The following GRIK2 variants were observed in gnomAD, a reference collection of about 807,000 sequenced individuals.
GRIK2 encodes glutamate ionotropic receptor kainate type subunit 2, also known as glutamate receptor ionotropic, kainate 2.
Under a neutral mutation model 100.3 loss-of-function variants are expected in GRIK2, and 32 were observed. The ratio of observed to expected loss-of-function variants is 0.32; its 90% CI spans 0.24 to 0.43. The LOEUF (loss-of-function observed/expected upper bound fraction) is 0.43. Ranked by LOEUF, GRIK2 falls within the 20% of genes least tolerant of loss-of-function variation. The pLI, the probability that GRIK2 is intolerant of heterozygous loss-of-function variation, is 1.00. For synonymous variants in GRIK2, 417 were observed against 389.4 expected (o/e 1.07, Z -0.83); for missense variants, 843 against 1,114.9 (o/e 0.76, Z 3.47).
intron 7 of GRIK2, among the ~76,000 whole-genome samples, chr6:101,745,797 C>T (rs1279618232): frequency 6.6e-6 from 1 of 152,138 alleles, no homozygotes; most frequent in East Asian, 1.9e-4. Context: ...TGTAACACTT[C>T]AATTTTTAAA....
intron 4 of GRIK2, among the ~76,000 whole-genome samples, chr6:101,675,306 CCA>C (rs3056135): frequency 4.8e-4 from 72 of 149,256 alleles, no homozygotes; most frequent in African/African-American, 1.1e-3. Context: ...CACACACACA[CCA>C]CACACACACA....
rs367944184 is a variant in GRIK2 at position 101,648,877 on chromosome 6, T to C, written c.541+22240T>C. Among the ~76,000 whole-genome samples, 50 of 152,184 alleles carry C rather than the reference T, an allele frequency of 3.3e-4. No homozygotes were observed. The East Asian group carries it at 3.9e-3, about 12-fold the overall frequency. ...CTTGGCTGGGGAGGCCTCACAAACA[T>C]GGTGGAAGATAAAGGAAAGACATGT... On this transcript the variant is annotated intron_variant, in intron 4 of 16. Coordinates refer to ENST00000369134, the MANE Select transcript of GRIK2 (RefSeq NM_021956.5).
chr6:102,065,633 G>T lies in GRIK2; in HGVS notation c.2563-2714G>T, dbSNP rs961535671. Among the ~76,000 whole-genome samples, 6 of 151,406 alleles carry T rather than the reference G, an allele frequency of 4.0e-5. No homozygotes were observed. In the East Asian group the frequency reaches 1.2e-3, roughly 29 times the overall value. The stretch of plus-strand genomic sequence containing the variant: ...GAAAATTGAGATTGCCAAGAAGAAG[G>T]TGTCATAAATTTTTGAAGATTTGGG... On this transcript the variant is annotated intron_variant, in intron 16 of 16. Coordinates refer to ENST00000369134, the MANE Select transcript of GRIK2 (RefSeq NM_021956.5).
intron 7 of GRIK2, among the ~76,000 whole-genome samples, chr6:101,771,518 T>C (rs1454264870): frequency 6.6e-6 from 1 of 151,250 alleles, no homozygotes; most frequent in Non-Finnish European, 1.5e-5. Flanking sequence ...TTTTATTTTA[T>C]TTTTATTTAT....
At chr6:101,762,489 T>TC (rs1320597624) in intron 7 of GRIK2, among the ~76,000 whole-genome samples, 1 of 152,062 alleles carries the variant, frequency 6.6e-6, no homozygotes, top group African/African-American at 2.4e-5. Context: ...TGCCTGAGCC[T>TC]CCCCAAGTGC....
At chr6:101,857,294 C>T (rs1441760693) in intron 10 of GRIK2, among the ~76,000 whole-genome samples, 1 of 152,152 alleles carries the variant, frequency 6.6e-6, no homozygotes, top group Non-Finnish European at 1.5e-5. Context: ...TTCTAAAAAT[C>T]AGGTGAAGAT....
At chr6:101,875,632 C>G (rs1368323675) in intron 11 of GRIK2, among the ~76,000 whole-genome samples, 1 of 151,650 alleles carries the variant, frequency 6.6e-6, no homozygotes, top group Non-Finnish European at 1.5e-5. Context: ...CTCTTTACTT[C>G]TTTTACATTG....
chr6:101,539,270 C>T (rs2128287754), intron 2 of GRIK2, among the ~76,000 whole-genome samples: 1 of 151,750 alleles, frequency 6.6e-6, no homozygotes, highest in Middle Eastern at 3.4e-3. Flanking sequence ...TAATAGCAAC[C>T]ATACATAGCA....
intron 2 of GRIK2, among the ~76,000 whole-genome samples, chr6:101,481,997 A>G (rs890449629): frequency 3.0e-4 from 46 of 152,278 alleles, no homozygotes; most frequent in Admixed American, 2.7e-3. Context: ...TTCACCTTGC[A>G]CCATGAATGT....
At chr6:101,991,921 C>G (rs537486857) in intron 14 of GRIK2, among the ~76,000 whole-genome samples, 1 of 151,406 alleles carries the variant, frequency 6.6e-6, no homozygotes, top group African/African-American at 2.4e-5. Context: ...AATATTTGTA[C>G]ATGTGAAGCA....
intron 14 of GRIK2, among the ~76,000 whole-genome samples, chr6:101,978,331 G>A (rs1378151007): frequency 6.6e-6 from 1 of 151,968 alleles, no homozygotes; most frequent in Non-Finnish European, 1.5e-5. Context: ...TTTAAGAATA[G>A]TATATGCACA....
chr6:101,511,173 C>T (rs1774295453), intron 2 of GRIK2, among the ~76,000 whole-genome samples: 1 of 152,126 alleles, frequency 6.6e-6, no homozygotes, highest in African/African-American at 2.4e-5. Context: ...GGAATTTATC[C>T]TTGGAAATTC....
At chr6:101,397,474 G>T (rs1005730889) in intron 1 of GRIK2, among the ~76,000 whole-genome samples, 5 of 152,048 alleles carry the variant, frequency 3.3e-5, no homozygotes, top group Non-Finnish European at 7.4e-5. Flanking sequence ...TGATTGAATT[G>T]CCTGCTATAC....
intron 10 of GRIK2, among the ~76,000 whole-genome samples, chr6:101,849,278 G>T (rs1483641257): frequency 2.0e-5 from 3 of 152,056 alleles, no homozygotes; most frequent in African/African-American, 7.2e-5. Flanking sequence ...AGGGCAGAGG[G>T]TTATCCTTTG....
chr6:101,640,456 A>G (rs941749103), intron 4 of GRIK2, among the ~76,000 whole-genome samples: 8 of 152,166 alleles, frequency 5.3e-5, no homozygotes, highest in African/African-American at 1.7e-4. Flanking sequence ...CAACATAGCA[A>G]TTGTGCTCAA....
intron 9 of GRIK2, among the ~76,000 whole-genome samples, chr6:101,810,851 A>G (rs959799630): frequency 5.3e-5 from 8 of 152,024 alleles, no homozygotes; most frequent in Admixed American, 3.9e-4. Context: ...TGTTGAAAAA[A>G]ATTTCTGTAC....
chr6:101,650,037 C>T (rs1781713202), intron 4 of GRIK2, among the ~76,000 whole-genome samples: 1 of 152,084 alleles, frequency 6.6e-6, no homozygotes, highest in South Asian at 2.1e-4. Context: ...TGCAACAGGG[C>T]TTCCTGGGGA....
At chr6:101,402,001 C>A (rs1162667899) in intron 2 of GRIK2, among the ~76,000 whole-genome samples, 2 of 152,074 alleles carry the variant, frequency 1.3e-5, no homozygotes, top group Non-Finnish European at 2.9e-5. Context: ...CCCGCCCAGG[C>A]GGCCACCCCA....
intron 14 of GRIK2, among the ~76,000 whole-genome samples, chr6:101,995,068 T>C (rs1277326624): frequency 6.6e-6 from 1 of 151,972 alleles, no homozygotes; most frequent in Non-Finnish European, 1.5e-5. Flanking sequence ...AAATTGTCTA[T>C]GAATGTTTCT....
Sources: allele counts gnomAD v4.1 joint callset (sites outside exome capture counted in the v4.1 genomes callset), GRCh38; gene constraint gnomAD v4.1.1; transcripts MANE v1.5; gene names NCBI Gene and HGNC (gene_info 2026-07-23, HGNC 2026-07-21).